DDX19B: variants seen among roughly 807,000 people sequenced by gnomAD.
DDX19B encodes the protein DEAD-box helicase 19B, also known as ATP-dependent RNA helicase DDX19B.
In DDX19B, 27 loss-of-function variants were observed where a neutral mutation model predicts 58.1. The ratio of observed to expected loss-of-function variants is 0.46; its 90% confidence interval spans 0.34 to 0.64. DDX19B has a LOEUF of 0.64. Among genes scored for constraint, DDX19B ranks in the 30% least tolerant of loss-of-function variants. DDX19B has a pLI of 0.01. For missense variants in DDX19B, 399 were observed against 596.5 expected (o/e 0.67, Z 3.45); for synonymous variants, 187 against 214.4 (o/e 0.87, Z 1.12).
chr16:70,293,115 T>TA (rs1050893297), upstream of DDX19B, among the ~76,000 whole-genome samples: 1 of 149,946 alleles, frequency 6.7e-6, no homozygotes, highest in Non-Finnish European at 1.5e-5. Flanking sequence ...TAAAAAATAA[T>TA]AAAAACAACA....
At chr16:70,293,566 A>AT (rs1315041977), upstream of DDX19B, among the ~76,000 whole-genome samples, 1 of 134,376 alleles carries the variant, frequency 7.4e-6, no homozygotes, top group Non-Finnish European at 1.6e-5. Context: ...ATGCTGGCTT[A>AT]TTTGGTACTA....
intron 2 of DDX19B, chr16:70,314,696 CTA>C (rs71667182): frequency 0.094 from 22,971 of 245,052 alleles, 609 homozygotes; most frequent in South Asian, 0.14. Context: ...AAATATCTAT[CTA>C]TATATATATA....
At chr16:70,299,422 G>C (rs1171026740) in intron 1 of DDX19B, 68 bp downstream of exon 1, 3 of 1,493,682 alleles carry the variant, frequency 2.0e-6, no homozygotes, top group East Asian at 2.5e-5. Context: ...CCCTGGGAAA[G>C]AATGTTTCCC....
At chr16:70,297,816 G>C (rs1478520508), upstream of DDX19B, among the ~76,000 whole-genome samples, 12 of 152,104 alleles carry the variant, frequency 7.9e-5, no homozygotes, top group Non-Finnish European at 1.5e-5. Flanking sequence ...AACCTCCTGG[G>C]CTCAAGTGAT....
At chr16:70,323,631 C>T (rs570074213) in intron 5 of DDX19B, among the ~76,000 whole-genome samples, 1 of 151,924 alleles carries the variant, frequency 6.6e-6, no homozygotes, top group South Asian at 2.1e-4. Context: ...ACCATGTTGG[C>T]CAGGCTGGTC....
At chr16:70,297,354 A>C (rs1961263278), upstream of DDX19B, among the ~76,000 whole-genome samples, 1 of 152,098 alleles carries the variant, frequency 6.6e-6, no homozygotes, top group Admixed American at 6.6e-5. Flanking sequence ...CTGGGATTAC[A>C]GGTGTGCACC....
In DDX19B at chr16:70,329,919, C is replaced by T. The variant is rs1963390115; in HGVS notation, c.874C>T (p.Pro292Ser). 1.2e-6 allele frequency: 2 copies of T among 1,614,194 alleles called. No individual in the cohort carries two copies. Among genetic ancestry groups the T allele is most frequent in the Non-Finnish European group, 1.7e-6 (2 of 1,180,046 alleles). Reference sequence around the variant, plus strand: ...GTTTGCCCAGAAAGTGGTCCCAGACCCAAACGTTATCAAACTGAAGCGTGA... The same window carrying T: ...GTTTGCCCAGAAAGTGGTCCCAGACTCAAACGTTATCAAACTGAAGCGTGA... Reference protein sequence around the residue: ...WKFAQKVVPDPNVIKLKREEE... With the variant: ...WKFAQKVVPDSNVIKLKREEE... The change falls in exon 9 of 12, where the codon CCA becomes TCA. Residue 292 changes from proline (P) to serine (S), a missense_variant. Physicochemically the swap from Pro to Ser is moderately conservative, Grantham distance 74. This residue lies in a region of DDX19B where 198 missense variants were observed against 345.9 expected (regional missense o/e 0.57). Coordinates refer to ENST00000288071, the MANE Select transcript of DDX19B (RefSeq NM_007242.7).
At chr16:70,290,873 CTATT>C (rs1347930579), upstream of DDX19B, among the ~76,000 whole-genome samples, 2 of 152,172 alleles carry the variant, frequency 1.3e-5, no homozygotes, top group African/African-American at 4.8e-5. Flanking sequence ...AAACCTGTGT[CTATT>C]TAACTCCAAA....
intron 5 of DDX19B, among the ~76,000 whole-genome samples, chr16:70,320,952 A>G (rs932506436): frequency 7.0e-6 from 1 of 142,838 alleles, no homozygotes; most frequent in Non-Finnish European, 1.5e-5. Flanking sequence ...ATGAGGCACC[A>G]CACTAGGCTT....
chr16:70,298,453 C>T (rs1030096139), upstream of DDX19B, among the ~76,000 whole-genome samples: 1 of 151,772 alleles, frequency 6.6e-6, no homozygotes, highest in Non-Finnish European at 1.5e-5. Flanking sequence ...CATGAGCCAC[C>T]ACACCTAGCT....
At chr16:70,311,790 C>T (rs543618570) in intron 1 of DDX19B, among the ~76,000 whole-genome samples, 11 of 152,106 alleles carry the variant, frequency 7.2e-5, no homozygotes, top group Non-Finnish European at 1.5e-4. Context: ...ACGGCTCTAA[C>T]GTATCCTGCA....
chr16:70,314,972 G>T lies in DDX19B; in HGVS notation c.160+17G>T. Reference sequence around the variant, plus strand: ...AAGAGAAAGGTAACACAGCCGTGGAGCTTTATATAATAACAAGCTTCTACA... The same window carrying T: ...AAGAGAAAGGTAACACAGCCGTGGATCTTTATATAATAACAAGCTTCTACA... On this transcript the variant is annotated intron_variant, in intron 3 of 11. Coordinates refer to ENST00000288071, the MANE Select transcript of DDX19B (RefSeq NM_007242.7). 6.2e-7 allele frequency: 1 copy of T among 1,605,536 alleles called. No homozygotes were observed.
At chr16:70,299,402 G>A in intron 1 of DDX19B, 48 bp downstream of exon 1, 3 of 1,542,898 alleles carry the variant, frequency 1.9e-6, no homozygotes, top group Non-Finnish European at 2.6e-6. Context: ...GTTCTGGTCG[G>A]AGACTTGGTC....
intron 5 of DDX19B, among the ~76,000 whole-genome samples, chr16:70,319,938 C>T (rs1439154703): frequency 6.6e-6 from 1 of 152,092 alleles, no homozygotes; most frequent in Non-Finnish European, 1.5e-5. Flanking sequence ...TCTGTACTTT[C>T]TCAAAGTTTT....
chr16:70,294,267 G>A (rs568184517), upstream of DDX19B, among the ~76,000 whole-genome samples: 3 of 151,852 alleles, frequency 2.0e-5, no homozygotes, highest in Non-Finnish European at 4.4e-5. Flanking sequence ...ATTTTTAGTA[G>A]AGACGGGGTT....
chr16:70,300,433 C>T (rs1425005922), intron 1 of DDX19B, among the ~76,000 whole-genome samples: 1 of 152,046 alleles, frequency 6.6e-6, no homozygotes, highest in East Asian at 1.9e-4. Flanking sequence ...GTCTCGAACT[C>T]CAGCGTGCAA....
At chr16:70,312,431 A>G (rs903375668) in intron 1 of DDX19B, among the ~76,000 whole-genome samples, 178 bp from the exon 2 acceptor site, 6 of 152,176 alleles carry the variant, frequency 3.9e-5, no homozygotes, top group African/African-American at 1.4e-4. Flanking sequence ...TTTACGGGAA[A>G]TTTTGTTTAT....
At chr16:70,296,786 GA>G (rs1247755062), upstream of DDX19B, among the ~76,000 whole-genome samples, 1 of 152,050 alleles carries the variant, frequency 6.6e-6, no homozygotes, top group African/African-American at 2.4e-5. Flanking sequence ...GAGAGTGCAG[GA>G]AAAAATAATC....
intron 1 of DDX19B, among the ~76,000 whole-genome samples, chr16:70,305,927 AT>A (rs994472068): frequency 1.3e-5 from 2 of 151,538 alleles, no homozygotes; most frequent in Admixed American, 6.6e-5. Context: ...TGCCCAGCTA[AT>A]TTTTTTGTAT....
Sources: allele counts gnomAD v4.1 joint callset (sites outside exome capture counted in the v4.1 genomes callset), GRCh38; gene constraint gnomAD v4.1.1; regional missense constraint gnomAD v4.1.1; transcripts MANE v1.5; gene names NCBI Gene and HGNC (gene_info 2026-07-23, HGNC 2026-07-21).